Variants in ALCAM observed in about 807,000 individuals in gnomAD.
ALCAM encodes CD166 antigen.
In ALCAM, 30 loss-of-function variants were observed where a neutral mutation model predicts 70.9. The observed-to-expected ratio is 0.42, with a 90% CI of 0.32 to 0.57. ALCAM has a LOEUF of 0.57. ALCAM is among the 20% of genes least tolerant of loss of function. The pLI, the probability that ALCAM is intolerant of heterozygous loss-of-function variation, is 0.11. For synonymous variants in ALCAM, 249 were observed against 242.5 expected (o/e 1.03, Z -0.25); for missense variants, 591 against 695.1 (o/e 0.85, Z 1.68).
At position 105,539,274 on chromosome 3, in the gene ALCAM, C is replaced by T. The variant is rs533749696; in HGVS notation, c.731-701C>T. 1.8e-4 allele frequency among the ~76,000 whole-genome samples: 27 copies of T among 152,220 alleles called. 1 individual carries two copies. The South Asian group carries it at 5.4e-3, about 30-fold the overall frequency. Reference sequence around the variant, plus strand: ...GCTAGATATGGTTCACTGTATCCAGCATTTAATTTCATTAGCATTCTACTA... The same window carrying T: ...GCTAGATATGGTTCACTGTATCCAGTATTTAATTTCATTAGCATTCTACTA... On this transcript the variant is annotated intron_variant, in intron 6 of 15. Transcript: ENST00000306107.
rs1940950156 is a variant in ALCAM at position 105,575,726 on chromosome 3, G to A, written c.*1275G>A. On this transcript the variant is annotated 3_prime_UTR_variant, in exon 16 of 16. Coordinates refer to ENST00000306107, the MANE Select transcript of ALCAM (RefSeq NM_001627.4). ...ACTTGTGACTAGACTTTTAAACTTT[G>A]CTCTTTCAAGCAGAAGCCTGGTTTC... 6.6e-6 allele frequency: 1 copy of A among 152,034 alleles called. No individual in the cohort carries two copies. The highest frequency in any genetic ancestry group is 6.6e-5 in the Admixed American group (1 of 15,234). The allele number at this position is 152,034 out of a possible 1,614,324, so 9.4% of individuals were successfully genotyped here.
chr3:105,452,100 GT>G (rs201338872), intron 1 of ALCAM, among the ~76,000 whole-genome samples: 13,149 of 151,126 alleles, frequency 0.087, 664 homozygotes, highest in Non-Finnish European at 0.12. Context: ...TCATTTTTTG[GT>G]TTTTTTTTCT....
intron 1 of ALCAM, among the ~76,000 whole-genome samples, chr3:105,511,191 C>T (rs1006265745): frequency 1.3e-5 from 2 of 151,900 alleles, no homozygotes; most frequent in Non-Finnish European, 2.9e-5. Context: ...TTCATGCATT[C>T]CAGAGTTACC....
intron 1 of ALCAM, among the ~76,000 whole-genome samples, chr3:105,382,596 C>T (rs1479308960): frequency 6.6e-6 from 1 of 152,028 alleles, no homozygotes; most frequent in Non-Finnish European, 1.5e-5. Context: ...TCCTCTCCAG[C>T]ACCTGTTGTT....
chr3:105,382,938 G>C (rs1022331785), intron 1 of ALCAM, among the ~76,000 whole-genome samples: 3 of 151,708 alleles, frequency 2.0e-5, no homozygotes, highest in African/African-American at 7.3e-5. Context: ...TCTTAATATA[G>C]CATTTAAAGT....
intron 1 of ALCAM, among the ~76,000 whole-genome samples, chr3:105,386,885 A>G (rs1046828593): frequency 6.6e-6 from 1 of 151,334 alleles, no homozygotes; most frequent in Non-Finnish European, 1.5e-5. Flanking sequence ...TGTTCTTTTG[A>G]TCTTAACTCT....
intron 1 of ALCAM, among the ~76,000 whole-genome samples, chr3:105,443,569 G>A (rs910567081): frequency 6.6e-6 from 1 of 151,968 alleles, no homozygotes; most frequent in Non-Finnish European, 1.5e-5. Context: ...TAAAATAATG[G>A]ACTCTTAAAC....
intron 1 of ALCAM, among the ~76,000 whole-genome samples, chr3:105,367,969 G>C (rs887413896): frequency 3.5e-4 from 53 of 152,104 alleles, no homozygotes; most frequent in African/African-American, 1.2e-3. Context: ...GGGTAGAGAA[G>C]GAGAGGACTT....
intron 6 of ALCAM, among the ~76,000 whole-genome samples, chr3:105,537,940 G>C (rs563902920): frequency 1.3e-4 from 20 of 152,112 alleles, no homozygotes; most frequent in Non-Finnish European, 2.5e-4. Context: ...TCAGCAGACA[G>C]TTTTGGTTAT....
At chr3:105,391,936 G>C (rs182550045) in intron 1 of ALCAM, among the ~76,000 whole-genome samples, 22 of 152,012 alleles carry the variant, frequency 1.4e-4, no homozygotes, top group African/African-American at 4.3e-4. Context: ...ACTTGATTGT[G>C]GTGGATAAGC....
intron 1 of ALCAM, among the ~76,000 whole-genome samples, chr3:105,488,671 G>A (rs71327576): frequency 6.7e-6 from 1 of 149,708 alleles, no homozygotes; most frequent in Admixed American, 6.7e-5. Flanking sequence ...GGGAAGGGAA[G>A]GGGAAGGGAA....
At chr3:105,569,016 T>C (rs1180490692) in intron 14 of ALCAM, among the ~76,000 whole-genome samples, 1 of 152,146 alleles carries the variant, frequency 6.6e-6, no homozygotes, top group African/African-American at 2.4e-5. Context: ...ATTAAAAAAC[T>C]TAAAATTGCA....
At position 105,524,351 on chromosome 3, in the gene ALCAM, G is replaced by C; in HGVS notation, c.237G>C (p.Gln79His). The C allele has an allele frequency of 6.2e-7, 1 of 1,614,122 alleles. No individual in the cohort carries two copies. The highest frequency in any genetic ancestry group is 1.1e-5 in the South Asian group (1 of 91,080). Residue 79 changes from glutamine to histidine, a missense_variant, in exon 3 of 16, where the codon CAG becomes CAC. Coordinates refer to ENST00000306107, the MANE Select transcript of ALCAM (RefSeq NM_001627.4). ...AFRSSTKKSV[Q>H]YDDVPEYKDR... Reference sequence around the variant, plus strand: ...GATCCTCTACAAAGAAAAGTGTGCAGTACGACGATGTACCAGAATACAAAG... The same window carrying C: ...GATCCTCTACAAAGAAAAGTGTGCACTACGACGATGTACCAGAATACAAAG...
chr3:105,377,623 T>G (rs1391291064), intron 1 of ALCAM, among the ~76,000 whole-genome samples: 1 of 152,042 alleles, frequency 6.6e-6, no homozygotes, highest in Admixed American at 6.6e-5. Flanking sequence ...AAAACCTATA[T>G]TGGTGCCTAA....
intron 1 of ALCAM, among the ~76,000 whole-genome samples, chr3:105,445,621 A>C (rs1937275454): frequency 6.6e-6 from 1 of 152,218 alleles, no homozygotes. Flanking sequence ...TGGTACTGGC[A>C]TTAAAACAGA....
At chr3:105,445,212 G>T (rs757516393) in intron 1 of ALCAM, among the ~76,000 whole-genome samples, 1 of 151,944 alleles carries the variant, frequency 6.6e-6, no homozygotes, top group Non-Finnish European at 1.5e-5. Context: ...AAAATAATCC[G>T]ATTTACAATA....
intron 1 of ALCAM, among the ~76,000 whole-genome samples, chr3:105,482,209 T>G (rs543872332): frequency 6.6e-6 from 1 of 152,250 alleles, no homozygotes; most frequent in East Asian, 1.9e-4. Flanking sequence ...GTCTCCTGGG[T>G]TCAAGCTATC....
At chr3:105,527,184 C>T (rs1190138184) in intron 3 of ALCAM, among the ~76,000 whole-genome samples, 3 of 152,180 alleles carry the variant, frequency 2.0e-5, no homozygotes, top group East Asian at 1.9e-4. Flanking sequence ...ATTTAGTGCA[C>T]ATTTGAGGTT....
rs1250112232 is a variant in ALCAM at position 105,392,687 on chromosome 3, T to C, written c.73+25206T>C. On this transcript the variant is annotated intron_variant, in intron 1 of 15. Coordinates refer to ENST00000306107, the MANE Select transcript of ALCAM (RefSeq NM_001627.4). Reference sequence around the variant, plus strand: ...GTGATGTTAGGTTTATGATTTGAGATCTTTCTAACTTTTTGATTTGGGCAT... The same window carrying C: ...GTGATGTTAGGTTTATGATTTGAGACCTTTCTAACTTTTTGATTTGGGCAT... Among the ~76,000 whole-genome samples the C allele has an allele frequency of 4.6e-5, 7 of 152,060 alleles. No homozygotes were observed. The East Asian group carries it at 1.4e-3, about 29-fold the overall frequency.
Sources: allele counts gnomAD v4.1 joint callset (sites outside exome capture counted in the v4.1 genomes callset), GRCh38; gene constraint gnomAD v4.1.1; transcripts MANE v1.5; gene names NCBI Gene and HGNC (gene_info 2026-07-23, HGNC 2026-07-21).